Variants in SULT6B1 observed in about 807,000 individuals in gnomAD.
SULT6B1 encodes sulfotransferase 6B1.
In SULT6B1, 44 loss-of-function variants were observed where a neutral mutation model predicts 37.2. The ratio of observed to expected loss-of-function variants is 1.18; its 90% CI spans 0.93 to 1.52. The LOEUF (loss-of-function observed/expected upper bound fraction) is 1.52, where lower values mean the gene tolerates loss of function less well. Among genes scored for constraint, SULT6B1 ranks in the 40% most tolerant of loss-of-function variants. SULT6B1 has a pLI of 0.00. For missense variants in SULT6B1, 450 were observed against 361.0 expected (o/e 1.25, Z -2.00); for synonymous variants, 140 against 126.0 (o/e 1.11, Z -0.74).
At chr2:37,170,573 A>C (rs1676271244) in intron 6 of SULT6B1, among the ~76,000 whole-genome samples, 1 of 151,876 alleles carries the variant, frequency 6.6e-6, no homozygotes, top group African/African-American at 2.4e-5. Context: ...GTTTGAGACC[A>C]GCCTGGCCAA....
upstream of SULT6B1, among the ~76,000 whole-genome samples, chr2:37,193,582 AAAGAAGAAGAAGAAAAAG>A (rs1379344485): frequency 7.2e-5 from 9 of 125,420 alleles, no homozygotes; most frequent in South Asian, 2.5e-4. Flanking sequence ...AAAAGAAGAA[AAAGAAGAAGAAGAAAAAG>A]AAGAAGAAGA....
At chr2:37,174,183 T>G (rs531826038) in intron 5 of SULT6B1, among the ~76,000 whole-genome samples, 31 of 149,786 alleles carry the variant, frequency 2.1e-4, no homozygotes, top group Middle Eastern at 3.5e-3. Flanking sequence ...AGATCTTTGC[T>G]CAAATCACAT....
chr2:37,193,759 G>C (rs556554568), intron 1 of SULT6B1, among the ~76,000 whole-genome samples: 99 of 152,196 alleles, frequency 6.5e-4, no homozygotes, highest in Non-Finnish European at 1.2e-3. Flanking sequence ...ATTTGTTAAA[G>C]TGGAGGTCCC....
At chr2:37,187,540 T>C in intron 1 of SULT6B1, 73 bp from the exon 2 acceptor site, 2 of 854,548 alleles carry the variant, frequency 2.3e-6, no homozygotes, top group East Asian at 2.7e-5. Context: ...CTTTAGCATA[T>C]ACATGATAAA....
At chr2:37,187,805 A>T (rs1676706284) in intron 1 of SULT6B1, among the ~76,000 whole-genome samples, 2 of 152,312 alleles carry the variant, frequency 1.3e-5, no homozygotes, top group East Asian at 3.9e-4. Context: ...ACATTAAATT[A>T]ATATGTATTT....
upstream of SULT6B1, chr2:37,188,731 C>T (rs1349831999): frequency 3.5e-6 from 2 of 565,922 alleles, no homozygotes; most frequent in South Asian, 4.1e-5. Flanking sequence ...ATAAAGGGCT[C>T]CTCCCAGTCA....
intron 4 of SULT6B1, among the ~76,000 whole-genome samples, chr2:37,178,469 C>T (rs1014195769): frequency 2.6e-5 from 4 of 152,124 alleles, no homozygotes; most frequent in East Asian, 1.9e-4. Flanking sequence ...CTCCTAACCT[C>T]GAGTCATCCG....
At chr2:37,168,495 G>A (rs6720068) in intron 6 of SULT6B1, among the ~76,000 whole-genome samples, 40,687 of 152,004 alleles carry the variant, frequency 0.27, 6,334 homozygotes, top group Middle Eastern at 0.36. Flanking sequence ...GATTTCTGTT[G>A]TAAAATTAAC....
At chr2:37,183,558 A>ATG (rs111239474) in intron 2 of SULT6B1, 44 bp from the exon 3 acceptor site, 211 of 1,434,062 alleles carry the variant, frequency 1.5e-4, no homozygotes, top group African/African-American at 1.4e-3. Context: ...ACGTGTGTGC[A>ATG]TGTGTGTGTG....
rs141020618 is a variant in SULT6B1 at position 37,170,231 on chromosome 2, C to T, written c.781+1203G>A. On this transcript the variant is annotated intron_variant, in intron 6 of 6. Coordinates refer to ENST00000535679, the MANE Select transcript of SULT6B1 (RefSeq NM_001367551.1). ...CTGTAATCCCAGCACATTGGGAGGC[C>T]GAGAATGGGTGGATCACCTGAGGTC... Among the ~76,000 whole-genome samples, 67 of 147,224 alleles carry T rather than the reference C, an allele frequency of 4.6e-4. 1 individual carries two copies. The East Asian group carries it at 0.013, about 28-fold the overall frequency.
intron 6 of SULT6B1, among the ~76,000 whole-genome samples, chr2:37,169,328 T>A (rs1175344020): frequency 2.0e-5 from 3 of 152,208 alleles, no homozygotes; most frequent in Non-Finnish European, 4.4e-5. Flanking sequence ...GATTTTCATT[T>A]GAAAAAGTAC....
At chr2:37,182,982 C>T (rs768954381) in intron 3 of SULT6B1, among the ~76,000 whole-genome samples, 10 of 151,984 alleles carry the variant, frequency 6.6e-5, no homozygotes, top group Non-Finnish European at 1.3e-4. Flanking sequence ...GTCAGGAGTT[C>T]GAGACCAGCC....
intron 4 of SULT6B1, among the ~76,000 whole-genome samples, chr2:37,176,301 C>T (rs532119675): frequency 8.6e-6 from 1 of 116,776 alleles, no homozygotes; most frequent in South Asian, 2.8e-4. Flanking sequence ...CTCACTCTGT[C>T]ACCCCGGCTG....
chr2:37,178,272 C>G (rs1676473523), intron 4 of SULT6B1, among the ~76,000 whole-genome samples: 2 of 151,574 alleles, frequency 1.3e-5, no homozygotes, highest in Admixed American at 1.3e-4. Flanking sequence ...GAGTTTTGCT[C>G]TGTCACCCAG....
chr2:37,172,094 C>G (rs1344284434), intron 5 of SULT6B1, among the ~76,000 whole-genome samples: 2 of 149,586 alleles, frequency 1.3e-5, no homozygotes, highest in Non-Finnish European at 2.9e-5. Flanking sequence ...GCTGCCCAGA[C>G]TAGAGTGGTG....
At position 37,171,378 on chromosome 2, in the gene SULT6B1, T is replaced by C. The variant is rs1047192598; in HGVS notation, c.781+56A>G. The C allele has an allele frequency of 3.8e-6, 6 of 1,563,398 alleles. No homozygotes were observed. In the African/African-American group the frequency reaches 4.1e-5, roughly 11 times the overall value. ...AGATGAAGTTATTTGGATTACCTGT[T>C]GTGTGCAAAGTCAGTCCCTAACTGA... On this transcript the variant is annotated intron_variant, in intron 6 of 6. Coordinates refer to ENST00000535679, the MANE Select transcript of SULT6B1 (RefSeq NM_001367551.1).
intron 6 of SULT6B1, among the ~76,000 whole-genome samples, chr2:37,169,995 C>T (rs1312587436): frequency 2.6e-5 from 4 of 152,146 alleles, no homozygotes; most frequent in Non-Finnish European, 5.9e-5. Flanking sequence ...ACTTAGAATA[C>T]TTTAATGAAA....
At chr2:37,169,294 C>T (rs751273772) in intron 6 of SULT6B1, among the ~76,000 whole-genome samples, 1 of 152,032 alleles carries the variant, frequency 6.6e-6, no homozygotes, top group Admixed American at 6.6e-5. Context: ...TTCAATGTTC[C>T]GCTTACAGTA....
intron 5 of SULT6B1, among the ~76,000 whole-genome samples, chr2:37,174,381 C>T (rs970868343): frequency 1.3e-5 from 2 of 151,662 alleles, no homozygotes; most frequent in Admixed American, 6.6e-5. Context: ...ACTACAGGTA[C>T]ATGCCTAATT....
Sources: gnomAD v4.1 joint callset for allele counts (sites outside exome capture counted in the v4.1 genomes callset) on GRCh38, gnomAD v4.1.1 for gene constraint, MANE v1.5 for transcripts, NCBI Gene and HGNC (gene_info 2026-07-23, HGNC 2026-07-21) for gene names.